Variants in UNC5A observed in about 807,000 individuals in gnomAD.
UNC5A encodes the protein netrin receptor UNC5A.
UNC5A carries 20 observed loss-of-function variants against 87.4 expected under a neutral mutation model. The observed-to-expected ratio is 0.23, with a 90% CI of 0.16 to 0.33. The LOEUF (loss-of-function observed/expected upper bound fraction) is 0.33, where lower values mean the gene tolerates loss of function less well. UNC5A is among the 10% of genes least tolerant of loss of function. The pLI is 1.00. For synonymous variants in UNC5A, 438 were observed against 482.3 expected (o/e 0.91, Z 1.20); for missense variants, 844 against 1,133.4 (o/e 0.74, Z 3.67).
At position 176,879,970 on chromosome 5, in the gene UNC5A, A is replaced by C. The variant is rs1192247744; in HGVS notation, c.*84A>C. On this transcript the variant is annotated 3_prime_UTR_variant, in exon 15 of 15. Transcript: ENST00000329542. ...AGAAGCCGGACAGGGGCCCTTCCCC[A>C]CACCGGGGAGAGCTGCTCGGACAGG... is the stretch of plus-strand genomic sequence containing the variant. 1.3e-6 allele frequency: 2 copies of C among 1,482,514 alleles called. No individual in the cohort carries two copies. Among genetic ancestry groups the C allele is most frequent in the African/African-American group, 1.4e-5 (1 of 71,892 alleles). 91.8% of individuals were successfully genotyped at this position (1,482,514 alleles called of 1,614,324 possible). A position where few individuals can be genotyped will look rare whatever the true frequency, so the allele number is the denominator to read the frequency against.
rs937202129 is a variant in UNC5A at position 176,879,952 on chromosome 5, G to T, written c.*66G>T. The T allele has an allele frequency of 1.3e-6, 2 of 1,532,178 alleles. No homozygotes were observed. The highest frequency in any genetic ancestry group is 1.8e-6 in the Non-Finnish European group (2 of 1,139,648). 94.9% of individuals were successfully genotyped at this position (1,532,178 alleles called of 1,614,324 possible). On this transcript the variant is annotated 3_prime_UTR_variant, in exon 15 of 15. Coordinates refer to ENST00000329542, the MANE Select transcript of UNC5A (RefSeq NM_133369.3). ...CACCCACCAAGGACAGGCAGAAGCC[G>T]GACAGGGGCCCTTCCCCACACCGGG...
chr5:176,820,619 G>T (rs537624137), intron 1 of UNC5A, among the ~76,000 whole-genome samples: 1 of 152,216 alleles, frequency 6.6e-6, no homozygotes, highest in South Asian at 2.1e-4. Context: ...CTGGTCTGGC[G>T]TGACTGGTCC....
rs1757470943 is a variant in UNC5A, at chr5:176,848,633, A to G, written c.71-13991A>G. Among the ~76,000 whole-genome samples the G allele has an allele frequency of 6.6e-6, 1 of 152,112 alleles. No homozygotes were observed. Among genetic ancestry groups the G allele is most frequent in the Non-Finnish European group, 1.5e-5 (1 of 68,014 alleles). On this transcript the variant is annotated intron_variant, in intron 1 of 14. Coordinates refer to ENST00000329542, the MANE Select transcript of UNC5A (RefSeq NM_133369.3). The surrounding 1 kb of genome is among the most constrained non-coding windows in gnomAD (Gnocchi z 5.8). The stretch of plus-strand genomic sequence containing the variant: ...CAGATGGAAGGTGGCAGCAGGGCCC[A>G]GGCTCCTTCCCGCCCAAATTTGGAA...
At chr5:176,870,836 A>C (rs1374275323) in intron 6 of UNC5A, among the ~76,000 whole-genome samples, 249 of 90,740 alleles carry the variant, frequency 2.7e-3, no homozygotes, top group African/African-American at 4.3e-3. Flanking sequence ...CCACAGCTTC[A>C]CATCTGCCCA....
chr5:176,832,959 A>G (rs747290423), intron 1 of UNC5A, among the ~76,000 whole-genome samples: 15 of 152,166 alleles, frequency 9.9e-5, no homozygotes, highest in Non-Finnish European at 1.6e-4. Flanking sequence ...TGGGCAGAGG[A>G]GGAACGAAAG....
At chr5:176,858,806 A>G (rs116792449) in intron 1 of UNC5A, among the ~76,000 whole-genome samples, 2,503 of 123,418 alleles carry the variant, frequency 0.02, 56 homozygotes, top group African/African-American at 0.058. Flanking sequence ...GAGGGAGGGA[A>G]GGAAAGAAAG....
At chr5:176,828,756 T>C (rs1756913947) in intron 1 of UNC5A, among the ~76,000 whole-genome samples, 1 of 152,174 alleles carries the variant, frequency 6.6e-6, no homozygotes. Flanking sequence ...CTGCTCATGC[T>C]CACTGCTCGT....
chr5:176,847,547 C>T (rs1156373091), intron 1 of UNC5A, among the ~76,000 whole-genome samples: 1 of 152,116 alleles, frequency 6.6e-6, no homozygotes, highest in Non-Finnish European at 1.5e-5. Flanking sequence ...TCAGTTAATG[C>T]CCTTGGTTTG....
chr5:176,853,015 C>T (rs1757582644), intron 1 of UNC5A, among the ~76,000 whole-genome samples: 1 of 152,194 alleles, frequency 6.6e-6, no homozygotes, highest in Non-Finnish European at 1.5e-5. Flanking sequence ...AGGAAGAGCT[C>T]CTTCACACAG....
chr5:176,824,319 C>T lies in UNC5A; in HGVS notation c.70+13499C>T, dbSNP rs768209479. On this transcript the variant is annotated intron_variant, in intron 1 of 14. Coordinates refer to ENST00000329542, the MANE Select transcript of UNC5A (RefSeq NM_133369.3). This position sits in a 1 kb window ranked among gnomAD's most constrained non-coding sequence, Gnocchi z 4.2. ...CCAGTGGCCCCGAGGCCCTGAGGCT[C>T]TGGTCCCTGCAGCTTTTCTCAGTCC... Among the ~76,000 whole-genome samples, 1 of 152,184 alleles carries T rather than the reference C, an allele frequency of 6.6e-6. No individual in the cohort carries two copies. The highest frequency in any genetic ancestry group is 1.5e-5 in the Non-Finnish European group (1 of 68,040).
Position 176,868,769 on chromosome 5 carries a change from G to A in UNC5A, c.541-15G>A, listed in dbSNP as rs187322799. On this transcript the variant is annotated splice_polypyrimidine_tract_variant and intron_variant, in intron 4 of 14. Coordinates refer to ENST00000329542, the MANE Select transcript of UNC5A (RefSeq NM_133369.3). ...AGCATGGGCTGGCAGTACATGGCAG[G>A]GCTCCCTCCCCTAGGTGGAGTGGCT... The A allele has an allele frequency of 5.0e-6, 8 of 1,590,962 alleles. No homozygotes were observed. The East Asian group carries it at 1.4e-4, about 27-fold the overall frequency.
In UNC5A at chr5:176,838,095, G is replaced by A. The variant is rs1298442069; in HGVS notation, c.71-24529G>A. Among the ~76,000 whole-genome samples, 2 of 152,208 alleles carry A rather than the reference G, an allele frequency of 1.3e-5. No individual in the cohort carries two copies. The highest frequency in any genetic ancestry group is 2.9e-5 in the Non-Finnish European group (2 of 68,042). On this transcript the variant is annotated intron_variant, in intron 1 of 14. Transcript: ENST00000329542. This position sits in a 1 kb window ranked among gnomAD's most constrained non-coding sequence, Gnocchi z 4.2. The stretch of plus-strand genomic sequence containing the variant: ...GGGGACTCCCACCCCATAGGCTTCC[G>A]TTGAAATTCCCGGAACTCGTTCCAG...
At chr5:176,827,463 G>A (rs1024577218) in intron 1 of UNC5A, among the ~76,000 whole-genome samples, 1 of 152,170 alleles carries the variant, frequency 6.6e-6, no homozygotes, top group Non-Finnish European at 1.5e-5. Context: ...GATTACAGGT[G>A]TGAGCCACCA....
rs540884032 is a variant in UNC5A at position 176,869,707 on chromosome 5, C to T, written c.722-663C>T. 1.0e-5 allele frequency: 7 copies of T among 677,146 alleles called. No individual in the cohort carries two copies. Among genetic ancestry groups the T allele is most frequent in the South Asian group, 3.1e-5 (2 of 65,490 alleles). 41.9% of individuals were successfully genotyped at this position (677,146 alleles called of 1,614,324 possible). A position where few individuals can be genotyped will look rare whatever the true frequency, so the allele number is the denominator to read the frequency against. The stretch of plus-strand genomic sequence containing the variant: ...AAACGGAGCCGGAGCTGCACCAACC[C>T]GGCGCCTCTCAACGGGGGCGCTTTC... On this transcript the variant is annotated intron_variant, in intron 5 of 14. Coordinates refer to ENST00000329542, the MANE Select transcript of UNC5A (RefSeq NM_133369.3). This position sits in a 1 kb window ranked among gnomAD's most constrained non-coding sequence, Gnocchi z 9.1.
chr5:176,864,508 C>A (rs1255392956), intron 2 of UNC5A, among the ~76,000 whole-genome samples: 3 of 152,324 alleles, frequency 2.0e-5, no homozygotes, highest in African/African-American at 7.2e-5. Flanking sequence ...TTAGGCAGTG[C>A]CATTTAGCCC....
At chr5:176,828,017 C>G (rs1380745169) in intron 1 of UNC5A, among the ~76,000 whole-genome samples, 2 of 152,092 alleles carry the variant, frequency 1.3e-5, no homozygotes, top group Non-Finnish European at 2.9e-5. Context: ...GGGCCTCTCT[C>G]AGCCCTCTCG....
At chr5:176,816,846 T>C (rs528075836) in intron 1 of UNC5A, among the ~76,000 whole-genome samples, 52 of 152,318 alleles carry the variant, frequency 3.4e-4, no homozygotes, top group South Asian at 1.2e-3. Flanking sequence ...TTGGCTGTCT[T>C]TGTGGAAGAC....
intron 14 of UNC5A, 105 bp from the exon 15 acceptor site, chr5:176,879,616 T>C (rs952460884): frequency 7.0e-5 from 109 of 1,550,416 alleles, no homozygotes; most frequent in Non-Finnish European, 8.1e-5. Context: ...GGGGCAGTCA[T>C]TGTGTTTGGC....
intron 1 of UNC5A, among the ~76,000 whole-genome samples, chr5:176,833,030 G>T (rs746080726): frequency 2.0e-5 from 3 of 152,190 alleles, no homozygotes; most frequent in Non-Finnish European, 4.4e-5. Flanking sequence ...GGACTGGCAC[G>T]TGTGGTAGCC....
Sources: gnomAD v4.1 joint callset for allele counts (sites outside exome capture counted in the v4.1 genomes callset) on GRCh38, gnomAD v4.1.1 for gene constraint, Gnocchi (gnomAD v3.1) non-coding constraint, MANE v1.5 for transcripts, NCBI Gene and HGNC (gene_info 2026-07-23, HGNC 2026-07-21) for gene names.